The following FSTL5 variants were observed in gnomAD, a reference collection of about 807,000 sequenced individuals.
The protein encoded by FSTL5 is follistatin-related protein 5.
FSTL5 carries 62 observed loss-of-function variants against 89.1 expected under a neutral mutation model. The observed-to-expected ratio is 0.70, with a 90% CI of 0.57 to 0.86. The LOEUF is 0.86. FSTL5 is among the 40% of genes least tolerant of loss of function. FSTL5 has a pLI of 0.00. For synonymous variants in FSTL5, 383 were observed against 346.2 expected, an observed-to-expected ratio of 1.11 and a Z score of -1.18; for missense variants, 1,057 against 1,001.6, an observed-to-expected ratio of 1.06 and a Z score of -0.75.
chr4:161,771,337 T>C (rs1055118554), intron 5 of FSTL5, among the ~76,000 whole-genome samples: 3 of 152,094 alleles, frequency 2.0e-5, no homozygotes, highest in African/African-American at 4.8e-5. Flanking sequence ...ATGTTTCCAA[T>C]AAGCTTGCAT....
chr4:161,826,806 G>C (rs1176637403), intron 4 of FSTL5, among the ~76,000 whole-genome samples: 1 of 152,096 alleles, frequency 6.6e-6, no homozygotes, highest in Admixed American at 6.6e-5. Flanking sequence ...GAGTCTCAAA[G>C]ACAGTAGGTA....
At chr4:162,108,615 T>C (rs1436738349) in intron 2 of FSTL5, among the ~76,000 whole-genome samples, 1 of 151,906 alleles carries the variant, frequency 6.6e-6, no homozygotes, top group Non-Finnish European at 1.5e-5. Context: ...TTTACATTTT[T>C]GCAATTTAAA....
At chr4:162,049,679 A>G (rs1461349503) in intron 2 of FSTL5, among the ~76,000 whole-genome samples, 1 of 152,126 alleles carries the variant, frequency 6.6e-6, no homozygotes, top group Non-Finnish European at 1.5e-5. Flanking sequence ...AAGAATAGCT[A>G]ATCTTTCTGT....
chr4:161,550,551 C>T (rs1051359519), intron 8 of FSTL5, among the ~76,000 whole-genome samples: 3 of 118,090 alleles, frequency 2.5e-5, no homozygotes, highest in Admixed American at 9.8e-5. Flanking sequence ...TTTTCAGTAA[C>T]TTCTTTTTTA....
intron 6 of FSTL5, among the ~76,000 whole-genome samples, chr4:161,713,449 T>C (rs141708059): frequency 2.7e-4 from 41 of 152,292 alleles, no homozygotes; most frequent in African/African-American, 9.9e-4. Context: ...ACTGTGTGAC[T>C]TTACTTTGAA....
In FSTL5 at chr4:161,723,334, C is replaced by A. The variant is rs984517424; in HGVS notation, c.727+36077G>T. 3.9e-5 allele frequency among the ~76,000 whole-genome samples: 6 copies of A among 152,046 alleles called. No homozygotes were observed. The East Asian group carries it at 9.7e-4, about 24-fold the overall frequency. On this transcript the variant is annotated intron_variant, in intron 6 of 15. Coordinates refer to ENST00000306100, the MANE Select transcript of FSTL5 (RefSeq NM_020116.5). Reference sequence around the variant, plus strand: ...TTTTTCACTAACTATAAATGTATTACCCTTGGTTAAAAAAATTAAAAAAAA... The same window carrying A: ...TTTTTCACTAACTATAAATGTATTAACCTTGGTTAAAAAAATTAAAAAAAA...
chr4:161,410,048 T>C (rs973259817), intron 15 of FSTL5, among the ~76,000 whole-genome samples: 5 of 152,234 alleles, frequency 3.3e-5, no homozygotes, highest in African/African-American at 9.6e-5. Context: ...AGATCTACCA[T>C]GCAAACAGAA....
At chr4:161,930,321 G>A (rs2110892134) in intron 3 of FSTL5, among the ~76,000 whole-genome samples, 1 of 151,790 alleles carries the variant, frequency 6.6e-6, no homozygotes. Flanking sequence ...GATTAACAAT[G>A]TTTTCTTCCC....
intron 2 of FSTL5, among the ~76,000 whole-genome samples, chr4:162,050,934 C>A (rs1027389390): frequency 1.3e-5 from 2 of 151,346 alleles, no homozygotes; most frequent in Non-Finnish European, 3.0e-5. Context: ...TAAAAATATA[C>A]ATTGTAGAGG....
chr4:161,596,603 A>G (rs1434070802), intron 7 of FSTL5, among the ~76,000 whole-genome samples: 1 of 152,124 alleles, frequency 6.6e-6, no homozygotes, highest in East Asian at 1.9e-4. Flanking sequence ...TGTTAGCATA[A>G]TAATTTAGGA....
chr4:161,455,771 T>C (rs1179568698), intron 14 of FSTL5, among the ~76,000 whole-genome samples: 1 of 152,188 alleles, frequency 6.6e-6, no homozygotes, highest in African/African-American at 2.4e-5. Flanking sequence ...TAGTTCTTTC[T>C]TCAGATCTGT....
chr4:162,035,996 T>C (rs1737722716), intron 2 of FSTL5, among the ~76,000 whole-genome samples: 1 of 152,134 alleles, frequency 6.6e-6, no homozygotes, highest in Non-Finnish European at 1.5e-5. Context: ...GATTTTCTTC[T>C]AGTTCCCTGG....
intron 3 of FSTL5, among the ~76,000 whole-genome samples, chr4:161,972,552 G>A (rs767882649): frequency 1.5e-4 from 23 of 152,134 alleles, no homozygotes; most frequent in Non-Finnish European, 3.1e-4. Context: ...CCAACAGCCA[G>A]CAAGGAACCA....
At chr4:161,585,764 C>T (rs1391112491) in intron 8 of FSTL5, among the ~76,000 whole-genome samples, 1 of 152,112 alleles carries the variant, frequency 6.6e-6, no homozygotes, top group East Asian at 1.9e-4. Context: ...CCCATGGATG[C>T]AGCATTTACC....
intron 2 of FSTL5, among the ~76,000 whole-genome samples, chr4:162,089,761 T>A (rs1190957723): frequency 6.6e-6 from 1 of 152,104 alleles, no homozygotes; most frequent in Non-Finnish European, 1.5e-5. Flanking sequence ...AACTCCAGAT[T>A]ACTGTGCAAA....
chr4:161,881,121 A>C (rs1040516222), intron 4 of FSTL5, among the ~76,000 whole-genome samples: 1 of 151,086 alleles, frequency 6.6e-6, no homozygotes, highest in African/African-American at 2.4e-5. Flanking sequence ...ATTCCAAAAA[A>C]TTTGATTTGT....
chr4:161,680,708 TA>T (rs1181376055), intron 6 of FSTL5, among the ~76,000 whole-genome samples: 1 of 151,762 alleles, frequency 6.6e-6, no homozygotes, highest in Non-Finnish European at 1.5e-5. Context: ...TAGTAAAATA[TA>T]TTTTTTTATA....
At chr4:161,678,301 T>G (rs763379713) in intron 6 of FSTL5, among the ~76,000 whole-genome samples, 1 of 151,732 alleles carries the variant, frequency 6.6e-6, no homozygotes, top group Non-Finnish European at 1.5e-5. Flanking sequence ...TTAAATTAAT[T>G]AAAGGTGTGC....
chr4:161,748,856 T>C (rs372059584), intron 6 of FSTL5, among the ~76,000 whole-genome samples: 2 of 151,822 alleles, frequency 1.3e-5, no homozygotes, highest in African/African-American at 4.8e-5. Context: ...TTTATTGAAC[T>C]CGACAAAGGA....
Sources: allele counts gnomAD v4.1 joint callset (sites outside exome capture counted in the v4.1 genomes callset), GRCh38; gene constraint gnomAD v4.1.1; transcripts MANE v1.5; gene names NCBI Gene and HGNC (gene_info 2026-07-23, HGNC 2026-07-21).